CCDC83: variants seen among roughly 807,000 people sequenced by gnomAD.
CCDC83 encodes the protein coiled-coil domain-containing protein 83.
Under a neutral mutation model 50.1 loss-of-function variants are expected in CCDC83, and 54 were observed. The observed-to-expected ratio is 1.08, with a 90% CI of 0.87 to 1.35. CCDC83 has a LOEUF of 1.35. Ranked by LOEUF, CCDC83 falls within the 40% of genes most tolerant of loss-of-function variation. CCDC83 has a pLI of 0.00. For synonymous variants in CCDC83, 161 were observed against 153.3 expected (o/e 1.05, Z -0.37); for missense variants, 518 against 473.9 (o/e 1.09, Z -0.86).
In CCDC83 at chr11:85,873,091, T is replaced by C. The variant is rs2093248743; in HGVS notation, c.96-120T>C. 13 of 456,286 alleles carry C rather than the reference T, an allele frequency of 2.8e-5. No homozygotes were observed. The East Asian group carries it at 4.7e-4, about 16-fold the overall frequency. The allele number at this position is 456,286 out of a possible 1,614,324, so 28.3% of individuals were successfully genotyped here. ...GAAACACAAAACCGTTTAGGAAAGG[T>C]TTTTATCCCTAAATGTGTTTTCATA... On this transcript the variant is annotated intron_variant, in intron 2 of 10. Coordinates refer to ENST00000342404, the MANE Select transcript of CCDC83 (RefSeq NM_001286159.2).
intron 4 of CCDC83, among the ~76,000 whole-genome samples, chr11:85,883,179 A>C (rs1283935728): frequency 6.6e-6 from 1 of 152,122 alleles, no homozygotes; most frequent in Non-Finnish European, 1.5e-5. Flanking sequence ...CAGTCTCCCA[A>C]AGTTCTGGGA....
At chr11:85,863,249 C>G (rs1276120601) in intron 1 of CCDC83, among the ~76,000 whole-genome samples, 1 of 152,108 alleles carries the variant, frequency 6.6e-6, no homozygotes, top group African/African-American at 2.4e-5. Flanking sequence ...GCTTTTTGTG[C>G]AACAGCCAAG....
chr11:85,898,559 T>C (rs536252555), intron 6 of CCDC83, among the ~76,000 whole-genome samples: 3 of 152,234 alleles, frequency 2.0e-5, no homozygotes, highest in Non-Finnish European at 4.4e-5. Context: ...ATTAAAAAGA[T>C]AGTAATCTGT....
chr11:85,894,882 T>G (rs975496021), intron 5 of CCDC83, among the ~76,000 whole-genome samples: 1 of 152,224 alleles, frequency 6.6e-6, no homozygotes, highest in African/African-American at 2.4e-5. Context: ...TCTAAGCATC[T>G]TTCAAGGCCT....
intron 4 of CCDC83, among the ~76,000 whole-genome samples, chr11:85,883,584 A>G (rs1424812653): frequency 6.6e-6 from 1 of 152,168 alleles, no homozygotes; most frequent in African/African-American, 2.4e-5. Context: ...CAGTTCTGAC[A>G]TACACATTTT....
chr11:85,895,260 T>C, intron 5 of CCDC83, 33 bp from the exon 6 acceptor site: 1 of 869,396 alleles, frequency 1.2e-6, no homozygotes, highest in Non-Finnish European at 1.6e-6. Context: ...AGGCTTTTAA[T>C]TTTCTTTTTT....
intron 6 of CCDC83, among the ~76,000 whole-genome samples, chr11:85,896,612 G>T (rs1198140646): frequency 1.3e-5 from 2 of 151,876 alleles, no homozygotes; most frequent in Non-Finnish European, 2.9e-5. Flanking sequence ...AATATAATTT[G>T]TCCAAAAAGT....
At chr11:85,890,444 G>A (rs2093346330) in intron 5 of CCDC83, among the ~76,000 whole-genome samples, 1 of 152,212 alleles carries the variant, frequency 6.6e-6, no homozygotes, top group African/African-American at 2.4e-5. Context: ...TTTTGTATGT[G>A]TGGGAGGGGA....
chr11:85,868,399 G>C (rs997906708), intron 2 of CCDC83, among the ~76,000 whole-genome samples: 5 of 152,166 alleles, frequency 3.3e-5, no homozygotes, highest in African/African-American at 9.7e-5. Flanking sequence ...TTTGAGACAA[G>C]AGTCTCACTC....
At chr11:85,861,747 G>A (rs1353877911) in intron 1 of CCDC83, among the ~76,000 whole-genome samples, 1 of 152,034 alleles carries the variant, frequency 6.6e-6, no homozygotes, top group African/African-American at 2.4e-5. Flanking sequence ...GGTGGCTCAT[G>A]CCTGTAATCC....
intron 1 of CCDC83, among the ~76,000 whole-genome samples, 191 bp downstream of exon 1, chr11:85,855,775 T>C (rs951027019): frequency 8.5e-5 from 13 of 152,316 alleles, no homozygotes; most frequent in African/African-American, 2.9e-4. Context: ...AGACTTGGCC[T>C]AGGTTATACA....
Position 85,881,512 on chromosome 11 carries a change from T to C in CCDC83, c.181-1001T>C, listed in dbSNP as rs2093300470. 2.0e-5 allele frequency among the ~76,000 whole-genome samples: 3 copies of C among 152,272 alleles called. No individual in the cohort carries two copies. The South Asian group carries it at 6.2e-4, about 32-fold the overall frequency. On this transcript the variant is annotated intron_variant, in intron 3 of 10. Coordinates refer to ENST00000342404, the MANE Select transcript of CCDC83 (RefSeq NM_001286159.2). ...ATCATAGCTCACTGTAACCTCAAAC[T>C]CCTGGGCTAAAGTGATCCTCCCTCC... is the stretch of plus-strand genomic sequence containing the variant.
At chr11:85,868,925 C>T (rs1331752746) in intron 2 of CCDC83, among the ~76,000 whole-genome samples, 61 of 152,246 alleles carry the variant, frequency 4.0e-4, no homozygotes, top group Admixed American at 4.0e-3. Context: ...TCCTTGAAGA[C>T]TATTCTTTAC....
At chr11:85,908,564 T>C (rs1003590140) in intron 7 of CCDC83, among the ~76,000 whole-genome samples, 1 of 135,620 alleles carries the variant, frequency 7.4e-6, no homozygotes, top group Non-Finnish European at 1.6e-5. Context: ...GATAGATAGA[T>C]AGATAGATAG....
chr11:85,870,277 T>C (rs1387235285), intron 2 of CCDC83, among the ~76,000 whole-genome samples: 1 of 152,214 alleles, frequency 6.6e-6, no homozygotes, highest in Non-Finnish European at 1.5e-5. Context: ...AGCTCTCAGC[T>C]GCAGCCAGGG....
intron 3 of CCDC83, among the ~76,000 whole-genome samples, 163 bp downstream of exon 3, chr11:85,873,458 G>A (rs188494099): frequency 1.6e-4 from 24 of 152,310 alleles, no homozygotes; most frequent in Admixed American, 3.3e-4. Flanking sequence ...ATGTGAGGCA[G>A]AAGGATACTG....
chr11:85,884,170 C>T (rs17817326), intron 4 of CCDC83, among the ~76,000 whole-genome samples: 21,074 of 152,016 alleles, frequency 0.14, 1,791 homozygotes, highest in Middle Eastern at 0.2. Context: ...CTGGGCCACA[C>T]GGCATGACTG....
Position 85,919,610 on chromosome 11 carries a change from T to C in CCDC83, c.*100T>C. On this transcript the variant is annotated 3_prime_UTR_variant, in exon 11 of 11. Coordinates refer to ENST00000342404, the MANE Select transcript of CCDC83 (RefSeq NM_001286159.2). ...TTTTACTTACACTTTGGCTCATTTT[T>C]AAACCAGCTGTTATTTCTAAAGGTC... 1.2e-6 allele frequency: 1 copy of C among 818,224 alleles called. No individual in the cohort carries two copies. The highest frequency in any genetic ancestry group is 2.0e-6 in the Non-Finnish European group (1 of 509,380). The allele number at this position is 818,224 out of a possible 1,614,324, so 50.7% of individuals were successfully genotyped here. A position where few individuals can be genotyped will look rare whatever the true frequency, so the allele number is the denominator to read the frequency against.
upstream of CCDC83, chr11:85,855,318 A>C (rs1162328908): frequency 1.3e-5 from 2 of 152,330 alleles, no homozygotes; most frequent in Admixed American, 6.6e-5. Flanking sequence ...CACGGGCTCC[A>C]CTCTCCACGG....
Sources: allele counts gnomAD v4.1 joint callset (sites outside exome capture counted in the v4.1 genomes callset), GRCh38; gene constraint gnomAD v4.1.1; transcripts MANE v1.5; gene names NCBI Gene and HGNC (gene_info 2026-07-23, HGNC 2026-07-21).